Variants in LRRC4C observed in about 807,000 individuals in gnomAD.
The protein encoded by LRRC4C is leucine-rich repeat-containing protein 4C.
A neutral mutation model predicts 33.6 loss-of-function variants in LRRC4C; 5 were observed. The observed-to-expected ratio is 0.15, with a 90% CI of 0.08 to 0.31. The LOEUF is 0.31. LRRC4C is among the 10% of genes least tolerant of loss of function. The pLI, the probability that LRRC4C is intolerant of heterozygous loss-of-function variation, is 1.00. For synonymous variants in LRRC4C, 329 were observed against 302.0 expected (o/e 1.09, Z -0.93); for missense variants, 560 against 796.7 (o/e 0.70, Z 3.58).
intron 1 of LRRC4C, among the ~76,000 whole-genome samples, chr11:41,028,679 C>T (rs1408714951): frequency 6.6e-6 from 1 of 151,498 alleles, no homozygotes; most frequent in Non-Finnish European, 1.5e-5. Flanking sequence ...GGCCTCAATT[C>T]CTCCAGTGTC....
intron 2 of LRRC4C, among the ~76,000 whole-genome samples, chr11:40,853,563 C>T (rs577899570): frequency 2.0e-5 from 3 of 151,758 alleles, no homozygotes; most frequent in Admixed American, 6.6e-5. Context: ...ATATGCAAAA[C>T]GATCAAAAAC....
intron 5 of LRRC4C, among the ~76,000 whole-genome samples, chr11:40,154,620 T>C (rs1303569704): frequency 6.6e-6 from 1 of 152,194 alleles, no homozygotes; most frequent in Non-Finnish European, 1.5e-5. Context: ...GGACATTATG[T>C]AATGGTAAAA....
chr11:40,451,646 A>G (rs533572325), intron 3 of LRRC4C, among the ~76,000 whole-genome samples: 1 of 152,034 alleles, frequency 6.6e-6, no homozygotes, highest in South Asian at 2.1e-4. Context: ...TGGCCTCCCA[A>G]AGTGCTGAGA....
rs571906844 is a variant in LRRC4C, at chr11:40,518,843, C to G, written c.-270+129299G>C. Among the ~76,000 whole-genome samples the G allele has an allele frequency of 8.5e-5, 13 of 152,150 alleles. No homozygotes were observed. In the South Asian group the frequency reaches 2.7e-3, roughly 32 times the overall value. ...ACAATAGCAAAGACTTGGAGCCAAC[C>G]CAAATGTCCATCAGTGATTGACTGG... On this transcript the variant is annotated intron_variant, in intron 3 of 6. Coordinates refer to ENST00000528697, the MANE Select transcript of LRRC4C (RefSeq NM_001258419.2).
intron 1 of LRRC4C, among the ~76,000 whole-genome samples, chr11:41,053,626 T>G (rs1365735868): frequency 1.3e-5 from 2 of 152,178 alleles, no homozygotes; most frequent in Non-Finnish European, 1.5e-5. Context: ...TATAGATAAT[T>G]CATATAAATA....
intron 3 of LRRC4C, among the ~76,000 whole-genome samples, chr11:40,597,986 C>A (rs1172312914): frequency 6.6e-6 from 1 of 152,094 alleles, no homozygotes; most frequent in Non-Finnish European, 1.5e-5. Flanking sequence ...GTTTGAAAGC[C>A]TATTTTATTT....
chr11:41,401,259 T>C (rs1954014861), intron 1 of LRRC4C, among the ~76,000 whole-genome samples: 1 of 151,894 alleles, frequency 6.6e-6, no homozygotes, highest in South Asian at 2.1e-4. Context: ...TAAAATTCAG[T>C]TCCTTATTCA....
chr11:41,168,206 ACCAGGCCAG>A (rs973690647), intron 1 of LRRC4C, among the ~76,000 whole-genome samples: 5 of 152,198 alleles, frequency 3.3e-5, no homozygotes, highest in African/African-American at 1.2e-4. Context: ...CTGAATGACC[ACCAGGCCAG>A]CTGCTCTCAG....
In LRRC4C at chr11:40,970,156, G is replaced by A. The variant is rs190483424; in HGVS notation, c.-495-36433C>T. Among the ~76,000 whole-genome samples the A allele has an allele frequency of 1.1e-4, 17 of 152,206 alleles. 1 individual carries two copies. In the East Asian group the frequency reaches 2.7e-3, roughly 24 times the overall value. On this transcript the variant is annotated intron_variant, in intron 1 of 6. Transcript: ENST00000528697. ...GTCAAAATCAGCAGAGCCTTCTAGC[G>A]AACCTCAAACCAAGAGATGGTAATT...
chr11:40,952,142 T>C (rs1373048805), intron 1 of LRRC4C, among the ~76,000 whole-genome samples: 3 of 151,964 alleles, frequency 2.0e-5, no homozygotes, highest in Non-Finnish European at 4.4e-5. Context: ...TTATTATTTT[T>C]ATTTTAAGGA....
chr11:41,262,710 A>C (rs945837725), intron 1 of LRRC4C, among the ~76,000 whole-genome samples: 3 of 152,114 alleles, frequency 2.0e-5, no homozygotes, highest in African/African-American at 7.2e-5. Flanking sequence ...TTGGTTCAAA[A>C]TATACATTGC....
At chr11:40,902,562 T>A (rs759480364) in intron 2 of LRRC4C, among the ~76,000 whole-genome samples, 7 of 152,066 alleles carry the variant, frequency 4.6e-5, no homozygotes, top group Non-Finnish European at 1.0e-4. Flanking sequence ...CCAGCCCAGA[T>A]AGGCCAAAAG....
intron 1 of LRRC4C, among the ~76,000 whole-genome samples, chr11:40,975,945 CA>C (rs1389575086): frequency 2.0e-5 from 3 of 152,160 alleles, no homozygotes; most frequent in African/African-American, 7.2e-5. Flanking sequence ...AGAGGTGTCT[CA>C]TCAGGCATAG....
chr11:41,210,967 A>G (rs1232577629), intron 1 of LRRC4C, among the ~76,000 whole-genome samples: 1 of 152,148 alleles, frequency 6.6e-6, no homozygotes, highest in African/African-American at 2.4e-5. Context: ...TGCAGTTCAC[A>G]GTACGGTTGG....
At chr11:41,338,365 A>G (rs548952743) in intron 1 of LRRC4C, among the ~76,000 whole-genome samples, 1 of 152,310 alleles carries the variant, frequency 6.6e-6, no homozygotes, top group Admixed American at 6.5e-5. Flanking sequence ...ATGTAGCCAT[A>G]AAGAGAAATG....
chr11:40,472,772 A>G (rs1450198615), intron 3 of LRRC4C, among the ~76,000 whole-genome samples: 1 of 152,140 alleles, frequency 6.6e-6, no homozygotes, highest in Non-Finnish European at 1.5e-5. Flanking sequence ...GATAAAAGGG[A>G]TATCAACACT....
At chr11:41,267,603 CAA>C (rs1375284561) in intron 1 of LRRC4C, among the ~76,000 whole-genome samples, 2 of 152,050 alleles carry the variant, frequency 1.3e-5, no homozygotes, top group Non-Finnish European at 2.9e-5. Flanking sequence ...TAGAATCTGC[CAA>C]AAAGTCTTCT....
At chr11:41,382,819 T>C (rs967378285) in intron 1 of LRRC4C, among the ~76,000 whole-genome samples, 20 of 152,258 alleles carry the variant, frequency 1.3e-4, no homozygotes, top group African/African-American at 4.6e-4. Context: ...ATAGAGGACG[T>C]CTCTGGTGTG....
At chr11:40,953,903 T>A (rs1435001775) in intron 1 of LRRC4C, among the ~76,000 whole-genome samples, 1 of 151,908 alleles carries the variant, frequency 6.6e-6, no homozygotes, top group African/African-American at 2.4e-5. Flanking sequence ...GAACACTGCA[T>A]AATAGTGTAC....
Sources: gnomAD v4.1 joint callset for allele counts (sites outside exome capture counted in the v4.1 genomes callset) on GRCh38, gnomAD v4.1.1 for gene constraint, MANE v1.5 for transcripts, NCBI Gene and HGNC (gene_info 2026-07-23, HGNC 2026-07-21) for gene names.